NCKAP1L: variants seen among roughly 807,000 people sequenced by gnomAD.
NCKAP1L encodes NCK associated protein 1 like.
In NCKAP1L, 53 loss-of-function variants were observed where a neutral mutation model predicts 139.2. The ratio of observed to expected loss-of-function variants is 0.38; its 90% CI spans 0.31 to 0.48. NCKAP1L has a LOEUF of 0.48. NCKAP1L is among the 20% of genes least tolerant of loss of function. The pLI is 0.98. For synonymous variants in NCKAP1L, 468 were observed against 499.7 expected (o/e 0.94, Z 0.85); for missense variants, 1,151 against 1,381.9 (o/e 0.83, Z 2.65).
At chr12:54,532,999 A>T (rs1021284140) in intron 26 of NCKAP1L, among the ~76,000 whole-genome samples, 1 of 152,228 alleles carries the variant, frequency 6.6e-6, no homozygotes, top group Non-Finnish European at 1.5e-5. Context: ...AGTTAGCAGG[A>T]AGAATTAAAG....
chr12:54,535,012 A>G, intron 26 of NCKAP1L, 92 bp from the exon 27 acceptor site: 1 of 925,592 alleles, frequency 1.1e-6, no homozygotes. Context: ...AAAAAATTAA[A>G]CCTGTGATCC....
rs1165517182 is a variant in NCKAP1L, at chr12:54,531,766, A to G, written c.2722A>G (p.Met908Val). 6.2e-7 allele frequency: 1 copy of G among 1,612,880 alleles called. No homozygotes were observed. Among genetic ancestry groups the G allele is most frequent in the Non-Finnish European group, 8.5e-7 (1 of 1,178,912 alleles). ...LTGAENVLKR[M>V]TIIGVILSFR... Reference sequence around the variant, plus strand: ...AGGGGCTGAAAATGTGCTAAAGCGCATGACCATCATTGGGGTTATCCTCAG... The same window carrying G: ...AGGGGCTGAAAATGTGCTAAAGCGCGTGACCATCATTGGGGTTATCCTCAG... The change falls in exon 25 of 31, where the codon ATG (methionine) becomes GTG (valine). Residue 908 changes from methionine (M) to valine (V), a missense_variant. Met to Val is a conservative substitution (Grantham distance 21). Coordinates refer to ENST00000293373, the MANE Select transcript of NCKAP1L (RefSeq NM_005337.5).
At chr12:54,529,053 T>C (rs1232420982) in intron 22 of NCKAP1L, among the ~76,000 whole-genome samples, 2 of 152,222 alleles carry the variant, frequency 1.3e-5, no homozygotes, top group African/African-American at 2.4e-5. Flanking sequence ...GTTCTAAGTG[T>C]TTATACATAT....
intron 3 of NCKAP1L, among the ~76,000 whole-genome samples, chr12:54,503,514 T>A (rs1166005647): frequency 6.6e-6 from 1 of 152,106 alleles, no homozygotes; most frequent in Non-Finnish European, 1.5e-5. Flanking sequence ...TACAATGTGA[T>A]AATTGATATA....
intron 22 of NCKAP1L, among the ~76,000 whole-genome samples, chr12:54,529,577 T>C (rs1229841187): frequency 6.6e-6 from 1 of 152,164 alleles, no homozygotes; most frequent in Non-Finnish European, 1.5e-5. Flanking sequence ...TCTGCCTCCT[T>C]CCCATCATCC....
intron 3 of NCKAP1L, among the ~76,000 whole-genome samples, chr12:54,503,801 G>A (rs565482131): frequency 2.2e-3 from 336 of 151,960 alleles, no homozygotes; most frequent in Non-Finnish European, 3.5e-3. Flanking sequence ...ACCACGCCTC[G>A]TTAATTTTTG....
Position 54,523,907 on chromosome 12 carries a change from A to G in NCKAP1L, c.2107A>G (p.Ile703Val), listed in dbSNP as rs1285126908. ...VYSFSVFEHT[I>V]FPSEYLSSHL... is the part of the protein sequence containing the mutation. Reference sequence around the variant, plus strand: ...CAGTTTCTCCGTGTTTGAACATACTATCTTCCCTTCTGAGTACCTCAGCAG... The same window carrying G: ...CAGTTTCTCCGTGTTTGAACATACTGTCTTCCCTTCTGAGTACCTCAGCAG... The change falls in exon 20 of 31, where the codon ATC becomes GTC. Residue 703 changes from isoleucine to valine, a missense_variant. Transcript: ENST00000293373. 5.6e-6 allele frequency: 9 copies of G among 1,614,010 alleles called. No homozygotes were observed. Among genetic ancestry groups the G allele is most frequent in the Non-Finnish European group, 6.8e-6 (8 of 1,180,006 alleles).
chr12:54,517,671 G>C (rs1956944745), intron 12 of NCKAP1L, 29 bp downstream of exon 12: 3 of 1,591,916 alleles, frequency 1.9e-6, no homozygotes, highest in Non-Finnish European at 2.6e-6. Flanking sequence ...TAAGAACCTT[G>C]TCCTTAGATG....
intron 22 of NCKAP1L, 57 bp downstream of exon 22, chr12:54,528,434 G>T: frequency 6.4e-7 from 1 of 1,573,364 alleles, no homozygotes; most frequent in Non-Finnish European, 8.6e-7. Context: ...TCAATGCACA[G>T]AGAATAAAAG....
At chr12:54,511,351 T>A (rs1191833710) in intron 7 of NCKAP1L, among the ~76,000 whole-genome samples, 1 of 152,242 alleles carries the variant, frequency 6.6e-6, no homozygotes, top group Non-Finnish European at 1.5e-5. Flanking sequence ...ATTGGCAGGC[T>A]TCCCTGCTGT....
chr12:54,521,203 G>C lies in NCKAP1L; in HGVS notation c.1843G>C (p.Glu615Gln), dbSNP rs1956980720. 1 of 1,613,976 alleles carries C rather than the reference G, an allele frequency of 6.2e-7. No homozygotes were observed. Among genetic ancestry groups the C allele is most frequent in the African/African-American group, 1.3e-5 (1 of 74,890 alleles). The part of the protein sequence containing the change: ...LAKQTSNCVL[E>Q]ICAEQRNLSE... ...CAAGCAGACCAGCAATTGCGTCCTG[G>C]AGATCTGTGCTGAGCAGCGAAACCT... The change falls in exon 18 of 31, where the codon GAG becomes CAG. Residue 615 changes from glutamate (E) to glutamine (Q), a missense_variant. Coordinates refer to ENST00000293373, the MANE Select transcript of NCKAP1L (RefSeq NM_005337.5).
chr12:54,540,052 C>A lies in NCKAP1L; in HGVS notation c.3273+1079C>A, dbSNP rs1399573146. Among the ~76,000 whole-genome samples the A allele has an allele frequency of 2.6e-5, 4 of 152,160 alleles. No individual in the cohort carries two copies. The East Asian group carries it at 7.7e-4, about 29-fold the overall frequency. On this transcript the variant is annotated intron_variant, in intron 30 of 30. Coordinates refer to ENST00000293373, the MANE Select transcript of NCKAP1L (RefSeq NM_005337.5). ...TTCTTCCCTTCACCCTGTTCTGGTGCAGAACTTGGAGGAGCCCAAAAATTC... is the reference window on the plus strand; with the variant it reads ...TTCTTCCCTTCACCCTGTTCTGGTGAAGAACTTGGAGGAGCCCAAAAATTC...
At chr12:54,510,676 A>ATTT (rs59196940) in intron 7 of NCKAP1L, among the ~76,000 whole-genome samples, 1 of 138,876 alleles carries the variant, frequency 7.2e-6, no homozygotes. Flanking sequence ...CACCTGGGTA[A>ATTT]TTTTTTTTTT....
Position 54,523,483 on chromosome 12 carries a change from C to CGA in NCKAP1L, c.1972_1973dup (p.Asp659GlyfsTer24). 6.2e-7 allele frequency: 1 copy of CGA among 1,613,992 alleles called. No homozygotes were observed. The highest frequency in any genetic ancestry group is 8.5e-7 in the Non-Finnish European group (1 of 1,180,010). ...GGCAGACTCCCAGAAAAGGAGAGCCCGAGAGGGACAAGCCAGGAGCTGAGA... is the reference window on the plus strand; with the variant it reads ...GGCAGACTCCCAGAAAAGGAGAGCCCGAGAGAGGGACAAGCCAGGAGCTGAGA... On this transcript the variant is annotated frameshift_variant, in exon 19 of 31. Coordinates refer to ENST00000293373, the MANE Select transcript of NCKAP1L (RefSeq NM_005337.5). LOFTEE classifies it high-confidence loss of function.
chr12:54,518,953 TG>T lies in NCKAP1L; in HGVS notation c.1462del (p.Asp488ThrfsTer24). ...GEKFEFSGLR[L>X]DWFRLQAYTS... ...AAATTTGAATTCTCAGGATTGAGGCTGGACTGGTTCCGCCTACAGGTAATGA... is the reference window on the plus strand; with the variant it reads ...AAATTTGAATTCTCAGGATTGAGGCTGACTGGTTCCGCCTACAGGTAATGA... On this transcript the variant is annotated frameshift_variant, in exon 15 of 31. Coordinates refer to ENST00000293373, the MANE Select transcript of NCKAP1L (RefSeq NM_005337.5). LOFTEE classifies it high-confidence loss of function. 1 of 1,613,916 alleles carries T rather than the reference TG, an allele frequency of 6.2e-7. No homozygotes were observed. Among genetic ancestry groups the T allele is most frequent in the Non-Finnish European group, 8.5e-7 (1 of 1,179,766 alleles).
In NCKAP1L at chr12:54,542,766, G is replaced by C; in HGVS notation, c.*81G>C. On this transcript the variant is annotated 3_prime_UTR_variant, in exon 31 of 31. Coordinates refer to ENST00000293373, the MANE Select transcript of NCKAP1L (RefSeq NM_005337.5). ...GTGGAAGCTGTGGTCACTTTCGCAGGGGGTGGGAATGGGGTGGGGTCACTA... is the reference window on the plus strand; with the variant it reads ...GTGGAAGCTGTGGTCACTTTCGCAGCGGGTGGGAATGGGGTGGGGTCACTA... 1.1e-6 allele frequency: 1 copy of C among 871,088 alleles called. No homozygotes were observed. The highest frequency in any genetic ancestry group is 1.4e-5 in the South Asian group (1 of 72,360). The allele number at this position is 871,088 out of a possible 1,614,324, so 54.0% of individuals were successfully genotyped here. A position where few individuals can be genotyped will look rare whatever the true frequency, so the allele number is the denominator to read the frequency against.
In NCKAP1L at chr12:54,544,250, G is replaced by A. The variant is rs1565685960; in HGVS notation, c.*1565G>A. 1 of 152,130 alleles carries A rather than the reference G, an allele frequency of 6.6e-6. No individual in the cohort carries two copies. 9.4% of individuals were successfully genotyped at this position (152,130 alleles called of 1,614,324 possible). Reference sequence around the variant, plus strand: ...ATGAGACTGAGAGTAAAGTTGATGAGGAAGAGGAGGCTCAGAAGTATCTGA... The same window carrying A: ...ATGAGACTGAGAGTAAAGTTGATGAAGAAGAGGAGGCTCAGAAGTATCTGA... On this transcript the variant is annotated 3_prime_UTR_variant, in exon 31 of 31. Transcript: ENST00000293373.
chr12:54,518,960 G>A lies in NCKAP1L; in HGVS notation c.1467G>A (p.Trp489Ter). ...KFEFSGLRLD[W>*]FRLQAYTSVA... ...AATTCTCAGGATTGAGGCTGGACTGGTTCCGCCTACAGGTAATGATCTGTT... is the reference window on the plus strand; with the variant it reads ...AATTCTCAGGATTGAGGCTGGACTGATTCCGCCTACAGGTAATGATCTGTT... The change falls in exon 15 of 31, where the codon TGG becomes TGA. Residue 489 changes from tryptophan to a stop codon, truncating the protein, a stop_gained. Coordinates refer to ENST00000293373, the MANE Select transcript of NCKAP1L (RefSeq NM_005337.5). LOFTEE classifies it high-confidence loss of function. 1.2e-6 allele frequency: 2 copies of A among 1,613,850 alleles called. No individual in the cohort carries two copies. The highest frequency in any genetic ancestry group is 1.7e-6 in the Non-Finnish European group (2 of 1,179,814).
In NCKAP1L at chr12:54,547,012, G is replaced by A. The variant is rs1957203094; in HGVS notation, c.*4327G>A. ...CTTGTTGGAAAGGATTGTGGGGTTA[G>A]GGGAGTGAGGAGGCAGAGCCTCCTA... On this transcript the variant is annotated 3_prime_UTR_variant, in exon 31 of 31. Transcript: ENST00000293373. The A allele has an allele frequency of 6.6e-6, 1 of 152,136 alleles. No homozygotes were observed. Among genetic ancestry groups the A allele is most frequent in the African/African-American group, 2.4e-5 (1 of 41,412 alleles). 9.4% of individuals were successfully genotyped at this position (152,136 alleles called of 1,614,324 possible). A position where few individuals can be genotyped will look rare whatever the true frequency, so the allele number is the denominator to read the frequency against.
Sources: allele counts gnomAD v4.1 joint callset (sites outside exome capture counted in the v4.1 genomes callset), GRCh38; gene constraint gnomAD v4.1.1; transcripts MANE v1.5; gene names NCBI Gene and HGNC (gene_info 2026-07-23, HGNC 2026-07-21).